The following LPIN1 variants were observed in gnomAD, a reference collection of about 807,000 sequenced individuals.
LPIN1 encodes the protein phosphatidate phosphatase LPIN1.
Under a neutral mutation model 107.5 loss-of-function variants are expected in LPIN1, and 71 were observed. The observed-to-expected ratio is 0.66, with a 90% CI of 0.55 to 0.80. The LOEUF (loss-of-function observed/expected upper bound fraction) is 0.80. LPIN1 is among the 30% of genes least tolerant of loss of function. The pLI is 0.00. For missense variants in LPIN1, 1,043 were observed against 1,160.6 expected (o/e 0.90, Z 1.47); for synonymous variants, 445 against 452.6 (o/e 0.98, Z 0.21).
chr2:11,807,702 A>G (rs893464810), intron 17 of LPIN1, among the ~76,000 whole-genome samples: 1 of 151,992 alleles, frequency 6.6e-6, no homozygotes, highest in African/African-American at 2.4e-5. Flanking sequence ...TGACGTGGAG[A>G]CCCAAACCTT....
chr2:11,709,663 G>A (rs867845153), intron 1 of LPIN1, among the ~76,000 whole-genome samples: 168 of 152,302 alleles, frequency 1.1e-3, no homozygotes, highest in African/African-American at 3.8e-3. Flanking sequence ...TGGTAGTACC[G>A]TTTCTATATG....
intron 1 of LPIN1, among the ~76,000 whole-genome samples, chr2:11,696,918 ACCT>A (rs796976219): frequency 1.3e-4 from 20 of 151,944 alleles, no homozygotes; most frequent in African/African-American, 4.8e-4. Context: ...CCCTGGCCGC[ACCT>A]CCTCTGTGCT....
rs569438468 is a variant in LPIN1 at position 11,770,206 on chromosome 2, C to T, written c.289-1166C>T. 1.5e-4 allele frequency among the ~76,000 whole-genome samples: 23 copies of T among 152,314 alleles called. 1 individual carries two copies. The South Asian group carries it at 4.4e-3, about 29-fold the overall frequency. On this transcript the variant is annotated intron_variant, in intron 3 of 20. Transcript: ENST00000674199. Reference sequence around the variant, plus strand: ...GAGCTGAGGAAGCATTTTGGGCCAGCGTGCAGCGGGACCTGTATGGGGGCT... The same window carrying T: ...GAGCTGAGGAAGCATTTTGGGCCAGTGTGCAGCGGGACCTGTATGGGGGCT...
chr2:11,698,292 T>C (rs1186387715), intron 1 of LPIN1, among the ~76,000 whole-genome samples: 1 of 152,206 alleles, frequency 6.6e-6, no homozygotes, highest in Non-Finnish European at 1.5e-5. Context: ...GGAGACCAGA[T>C]GCTTTGGGAG....
chr2:11,796,638 C>T (rs1362104395), intron 14 of LPIN1, among the ~76,000 whole-genome samples: 2 of 152,054 alleles, frequency 1.3e-5, no homozygotes, highest in Admixed American at 6.6e-5. Context: ...CCTGACCCAC[C>T]GCTGGTCTGT....
upstream of LPIN1, chr2:11,745,032 C>G (rs1666755560): frequency 6.6e-6 from 1 of 152,268 alleles, no homozygotes; most frequent in Admixed American, 6.5e-5. Context: ...CAGCTGTCCC[C>G]AAACATCTAT....
chr2:11,684,847 C>T (rs1393888706), intron 1 of LPIN1, among the ~76,000 whole-genome samples: 1 of 149,388 alleles, frequency 6.7e-6, no homozygotes, highest in Non-Finnish European at 1.5e-5. Context: ...AGATTATTGT[C>T]TTTTCACTCA....
At chr2:11,801,934 C>T (rs944038331) in intron 14 of LPIN1, among the ~76,000 whole-genome samples, 52 of 151,706 alleles carry the variant, frequency 3.4e-4, no homozygotes, top group African/African-American at 1.1e-3. Flanking sequence ...ATAAAAAATA[C>T]GAAAGACAGT....
chr2:11,704,731 C>T (rs1400275020), intron 1 of LPIN1, among the ~76,000 whole-genome samples: 2 of 152,202 alleles, frequency 1.3e-5, no homozygotes, highest in African/African-American at 4.8e-5. Flanking sequence ...AGTCACACAG[C>T]TGGGATCCCC....
intron 1 of LPIN1, among the ~76,000 whole-genome samples, chr2:11,736,232 T>G (rs755697865): frequency 1.3e-5 from 2 of 152,238 alleles, no homozygotes; most frequent in African/African-American, 2.4e-5. Flanking sequence ...GAATGCTGTC[T>G]TAGGTCAGGC....
At chr2:11,702,254 T>G (rs1451128578) in intron 1 of LPIN1, among the ~76,000 whole-genome samples, 3 of 152,082 alleles carry the variant, frequency 2.0e-5, no homozygotes, top group African/African-American at 7.2e-5. Context: ...TGAGGCAGGG[T>G]AAACGGGCTT....
chr2:11,712,269 T>G (rs1663465908), intron 1 of LPIN1, among the ~76,000 whole-genome samples: 2 of 152,220 alleles, frequency 1.3e-5, no homozygotes, highest in Non-Finnish European at 2.9e-5. Context: ...TGGAGCGGCC[T>G]TTCTTGTCCT....
intron 12 of LPIN1, among the ~76,000 whole-genome samples, chr2:11,790,377 A>G (rs559019944): frequency 4.1e-4 from 63 of 152,342 alleles, no homozygotes; most frequent in Non-Finnish European, 5.3e-4. Flanking sequence ...TGCCGTACAC[A>G]TCGTCTGCTC....
At chr2:11,810,522 C>T (rs1572967323) in intron 17 of LPIN1, among the ~76,000 whole-genome samples, 1 of 152,200 alleles carries the variant, frequency 6.6e-6, no homozygotes, top group Non-Finnish European at 1.5e-5. Flanking sequence ...GGAGGCAACT[C>T]ACCAAGCCTG....
rs111754259 is a variant in LPIN1, at chr2:11,761,247, G to C, written c.-9-4286G>C. Among the ~76,000 whole-genome samples the C allele has an allele frequency of 2.5e-3, 378 of 152,276 alleles. 1 individual carries two copies. The highest frequency in any genetic ancestry group is 4.0e-3 in the Non-Finnish European group (269 of 68,020). ...ACGTGGAAGGAATAAGAAGTATTAGGGTTACAAAGAATCATTTCTTATATT... is the reference window on the plus strand; with the variant it reads ...ACGTGGAAGGAATAAGAAGTATTAGCGTTACAAAGAATCATTTCTTATATT... On this transcript the variant is annotated intron_variant, in intron 1 of 20. Coordinates refer to ENST00000674199, the MANE Select transcript of LPIN1 (RefSeq NM_001349206.2).
intron 1 of LPIN1, among the ~76,000 whole-genome samples, chr2:11,728,300 A>G (rs927555481): frequency 4.6e-5 from 7 of 152,152 alleles, no homozygotes; most frequent in African/African-American, 1.4e-4. Flanking sequence ...TTTTTATCCA[A>G]TCTGACAATC....
At chr2:11,754,293 A>C (rs1235455643) in intron 1 of LPIN1, among the ~76,000 whole-genome samples, 3 of 152,222 alleles carry the variant, frequency 2.0e-5, no homozygotes, top group Admixed American at 2.0e-4. Context: ...CCTTAAGCCC[A>C]CAGGTGCCCT....
At position 11,771,313 on chromosome 2, in the gene LPIN1, C is replaced by A; in HGVS notation, c.289-59C>A. On this transcript the variant is annotated intron_variant, in intron 3 of 20. Coordinates refer to ENST00000674199, the MANE Select transcript of LPIN1 (RefSeq NM_001349206.2). This position sits in a 1 kb window ranked among gnomAD's most constrained non-coding sequence, Gnocchi z 4.8. The stretch of plus-strand genomic sequence containing the variant: ...TGAATCCTGGAGGCCTCTGGCAAGG[C>A]CCTGCTTCTTATACCTGAATTAACG... The A allele has an allele frequency of 6.4e-7, 1 of 1,564,802 alleles. No individual in the cohort carries two copies. Among genetic ancestry groups the A allele is most frequent in the Non-Finnish European group, 8.8e-7 (1 of 1,135,960 alleles).
chr2:11,784,229 A>G, intron 9 of LPIN1: 1 of 911,270 alleles, frequency 1.1e-6, no homozygotes, highest in Non-Finnish European at 1.4e-6. Context: ...GCTTGAATCC[A>G]GGAGGCGGAG....
Sources: allele counts gnomAD v4.1 joint callset (sites outside exome capture counted in the v4.1 genomes callset), GRCh38; gene constraint gnomAD v4.1.1; non-coding constraint Gnocchi (gnomAD v3.1); transcripts MANE v1.5; gene names NCBI Gene and HGNC (gene_info 2026-07-23, HGNC 2026-07-21).